The following FAM186A variants were observed in gnomAD, a reference collection of about 807,000 sequenced individuals.
FAM186A encodes family with sequence similarity 186 member A, also known as protein FAM186A.
FAM186A carries 163 observed loss-of-function variants against 216.8 expected under a neutral mutation model. The observed-to-expected ratio is 0.75, with a 90% CI of 0.66 to 0.86. The LOEUF is 0.86. Among genes scored for constraint, FAM186A ranks in the 40% least tolerant of loss-of-function variants. FAM186A has a pLI of 0.00. For synonymous variants in FAM186A, 805 were observed against 1,025.3 expected (o/e 0.79, Z 4.10); for missense variants, 2,184 against 2,746.2 (o/e 0.80, Z 4.58).
intron 1 of FAM186A, among the ~76,000 whole-genome samples, chr12:50,384,128 A>G (rs1467964199): frequency 1.3e-5 from 2 of 152,048 alleles, no homozygotes; most frequent in Non-Finnish European, 2.9e-5. Flanking sequence ...AAAAAAAGAA[A>G]GAAAGAAATC....
intron 1 of FAM186A, among the ~76,000 whole-genome samples, chr12:50,373,462 G>A (rs6580745): frequency 0.097 from 14,781 of 152,180 alleles, 1,442 homozygotes; most frequent in East Asian, 0.34. Flanking sequence ...AGTTGAAGAG[G>A]AAGGAGCAAT....
At chr12:50,335,645 C>CA (rs1259106943) in intron 4 of FAM186A, among the ~76,000 whole-genome samples, 1,260 of 125,580 alleles carry the variant, frequency 0.01, 6 homozygotes, top group Admixed American at 0.014. Flanking sequence ...GATCCTATCT[C>CA]AAAAAAAAAA....
chr12:50,385,052 G>A (rs984657379), intron 1 of FAM186A, among the ~76,000 whole-genome samples: 7 of 151,752 alleles, frequency 4.6e-5, no homozygotes, highest in African/African-American at 7.3e-5. Flanking sequence ...TGATCCACCC[G>A]CCTTGGCCTC....
At chr12:50,346,934 AC>A (rs1942825175) in intron 4 of FAM186A, among the ~76,000 whole-genome samples, 1 of 151,250 alleles carries the variant, frequency 6.6e-6, no homozygotes, top group African/African-American at 2.4e-5. Context: ...ACACACACAC[AC>A]AAACCCGAAC....
intron 1 of FAM186A, among the ~76,000 whole-genome samples, chr12:50,395,388 C>A (rs552329852): frequency 6.6e-6 from 1 of 152,054 alleles, no homozygotes; most frequent in East Asian, 1.9e-4. Context: ...TGTGCCTGGC[C>A]TGATTTTGTT....
rs948882835 is a variant in FAM186A at position 50,328,388 on chromosome 12, A to G, written c.7035-984T>C. On this transcript the variant is annotated intron_variant, in intron 7 of 7. Transcript: ENST00000327337. ...GACCACGTCTCTAAAAACAAACAAAAATACAGATCTACAATGAATATCACA... is the reference window on the plus strand; with the variant it reads ...GACCACGTCTCTAAAAACAAACAAAGATACAGATCTACAATGAATATCACA... 5.9e-5 allele frequency among the ~76,000 whole-genome samples: 9 copies of G among 152,174 alleles called. No homozygotes were observed. In the East Asian group the frequency reaches 1.7e-3, roughly 29 times the overall value.
At chr12:50,340,765 G>A (rs1942754917) in intron 4 of FAM186A, among the ~76,000 whole-genome samples, 1 of 150,088 alleles carries the variant, frequency 6.7e-6, no homozygotes, top group Non-Finnish European at 1.5e-5. Context: ...CAATATATAT[G>A]GAAACAAATG....
intron 1 of FAM186A, among the ~76,000 whole-genome samples, chr12:50,377,186 T>C (rs1395224863): frequency 6.6e-6 from 1 of 152,156 alleles, no homozygotes; most frequent in Non-Finnish European, 1.5e-5. Context: ...GACAGTATGG[T>C]ATTGGTGTAA....
chr12:50,350,288 A>C (rs1297151711), intron 4 of FAM186A, 41 bp downstream of exon 4: 8 of 1,451,100 alleles, frequency 5.5e-6, no homozygotes, highest in Non-Finnish European at 7.3e-6. Context: ...ATTTGCAATC[A>C]GAACTAAACC....
At chr12:50,350,210 A>G (rs1942860105) in intron 4 of FAM186A, 119 bp downstream of exon 4, 1 of 919,722 alleles carries the variant, frequency 1.1e-6, no homozygotes, top group Non-Finnish European at 1.6e-6. Context: ...TAGACCTTAT[A>G]TAAGGCAGTC....
intron 3 of FAM186A, among the ~76,000 whole-genome samples, chr12:50,358,222 C>T (rs185277832): frequency 6.6e-6 from 1 of 152,172 alleles, no homozygotes; most frequent in Non-Finnish European, 1.5e-5. Context: ...AAAAACACCA[C>T]TAAGAAAATG....
intron 4 of FAM186A, among the ~76,000 whole-genome samples, chr12:50,336,401 A>G (rs1233392574): frequency 6.6e-6 from 1 of 152,116 alleles, no homozygotes; most frequent in African/African-American, 2.4e-5. Flanking sequence ...TTCTTCCACA[A>G]TGCCAATATT....
rs909397215 is a variant in FAM186A at position 50,374,784 on chromosome 12, A to G, written c.193-11420T>C. ...GGATAAATGTCCTAACCAATTCAAT[A>G]AGGTCAAAAAAAGAAATACAGGAAA... On this transcript the variant is annotated intron_variant, in intron 1 of 7. Transcript: ENST00000327337. Among the ~76,000 whole-genome samples, 3 of 152,216 alleles carry G rather than the reference A, an allele frequency of 2.0e-5. No homozygotes were observed. The South Asian group carries it at 6.2e-4, about 31-fold the overall frequency.
intron 1 of FAM186A, among the ~76,000 whole-genome samples, chr12:50,374,149 T>C: frequency 1.0e-5 from 1 of 97,680 alleles, no homozygotes; most frequent in African/African-American, 4.1e-5. Context: ...TGGGGACTGT[T>C]GTGGGGTGGG....
chr12:50,364,350 C>T (rs138886060), intron 1 of FAM186A, among the ~76,000 whole-genome samples: 2,220 of 151,546 alleles, frequency 0.015, 70 homozygotes, highest in African/African-American at 0.051. Flanking sequence ...GTCAGGAGAT[C>T]GAGACCATCC....
chr12:50,370,400 A>G (rs1943133091), intron 1 of FAM186A, among the ~76,000 whole-genome samples: 1 of 152,158 alleles, frequency 6.6e-6, no homozygotes, highest in Non-Finnish European at 1.5e-5. Context: ...ATATGAAAAT[A>G]TGTTCAACGT....
intron 4 of FAM186A, among the ~76,000 whole-genome samples, chr12:50,349,162 C>T (rs553747132): frequency 3.1e-4 from 47 of 151,962 alleles, no homozygotes; most frequent in African/African-American, 1.1e-3. Context: ...TTAACCATCC[C>T]TACTTTCCCC....
At chr12:50,335,125 C>CACAT (rs1361363427) in intron 4 of FAM186A, among the ~76,000 whole-genome samples, 1 of 151,936 alleles carries the variant, frequency 6.6e-6, no homozygotes, top group Non-Finnish European at 1.5e-5. Flanking sequence ...GGCATGGTGG[C>CACAT]ACATACCTGT....
At chr12:50,377,419 C>A (rs1374502207) in intron 1 of FAM186A, among the ~76,000 whole-genome samples, 2 of 152,156 alleles carry the variant, frequency 1.3e-5, no homozygotes, top group Non-Finnish European at 2.9e-5. Context: ...TCAAATGAAT[C>A]TATGAGCTAA....
Sources: gnomAD v4.1 joint callset for allele counts (sites outside exome capture counted in the v4.1 genomes callset) on GRCh38, gnomAD v4.1.1 for gene constraint, MANE v1.5 for transcripts, NCBI Gene and HGNC (gene_info 2026-07-23, HGNC 2026-07-21) for gene names.